The following FRMD4A variants were observed in gnomAD, a reference collection of about 807,000 sequenced individuals.
FRMD4A encodes FERM domain containing 4A.
A neutral mutation model predicts 129.1 loss-of-function variants in FRMD4A; 29 were observed. The observed-to-expected ratio is 0.22, with a 90% CI of 0.17 to 0.31. FRMD4A has a LOEUF of 0.31. Among genes scored for constraint, FRMD4A ranks in the 10% least tolerant of loss-of-function variants. FRMD4A has a pLI of 1.00. For synonymous variants in FRMD4A, 634 were observed against 571.6 expected, an observed-to-expected ratio of 1.11 and a Z score of -1.56; for missense variants, 1,272 against 1,375.8, an observed-to-expected ratio of 0.92 and a Z score of 1.19.
At chr10:14,121,197 G>A (rs759672369) in intron 2 of FRMD4A, among the ~76,000 whole-genome samples, 10 of 152,180 alleles carry the variant, frequency 6.6e-5, no homozygotes, top group South Asian at 2.1e-4. Context: ...GTGAAACCCC[G>A]TCTCTAGTAA....
intron 2 of FRMD4A, among the ~76,000 whole-genome samples, chr10:13,892,011 A>C (rs1309004637): frequency 2.7e-5 from 4 of 147,628 alleles, no homozygotes; most frequent in Non-Finnish European, 6.0e-5. Context: ...GATCCTGGAC[A>C]ACAATGCGCG....
In FRMD4A at chr10:14,039,403, CATCCATCT is replaced by C. The variant is rs1343661709; in HGVS notation, c.46-180499_46-180492del. Among the ~76,000 whole-genome samples, 394 of 141,402 alleles carry C rather than the reference CATCCATCT, an allele frequency of 2.8e-3. 4 individuals carry two copies. The highest frequency in any genetic ancestry group is 7.2e-3 in the Middle Eastern group (2 of 278). The allele number at this position is 141,402 out of a possible 152,430, so 92.8% of individuals were successfully genotyped here. A position where few individuals can be genotyped will look rare whatever the true frequency, so the allele number is the denominator to read the frequency against. ...CCATCCATCCATCCATCCATCCATC[CATCCATCT>C]ATCTATCTATCTATCTATCTATATT... On this transcript the variant is annotated intron_variant, in intron 2 of 24. Coordinates refer to ENST00000357447, the MANE Select transcript of FRMD4A (RefSeq NM_018027.5).
chr10:14,321,873 C>T (rs1843071004), intron 2 of FRMD4A, among the ~76,000 whole-genome samples: 1 of 152,100 alleles, frequency 6.6e-6, no homozygotes, highest in Non-Finnish European at 1.5e-5. Context: ...TGGGGGCGGA[C>T]TTCTCCCTTG....
chr10:13,980,612 T>C (rs894578684), intron 2 of FRMD4A, among the ~76,000 whole-genome samples: 2 of 151,980 alleles, frequency 1.3e-5, no homozygotes, highest in Non-Finnish European at 2.9e-5. Context: ...CCCAGCTACT[T>C]GGGAAGCTGA....
chr10:14,169,178 C>T (rs981666011), intron 2 of FRMD4A, among the ~76,000 whole-genome samples: 1 of 151,826 alleles, frequency 6.6e-6, no homozygotes, highest in African/African-American at 2.4e-5. Context: ...TGGAAGAATC[C>T]CTTTTCAGGT....
intron 6 of FRMD4A, among the ~76,000 whole-genome samples, chr10:13,776,904 C>T (rs927662740): frequency 2.0e-5 from 3 of 152,162 alleles, no homozygotes; most frequent in African/African-American, 7.2e-5. Context: ...GAATCACAGC[C>T]AAGAGAAAAA....
chr10:13,806,606 A>G (rs1269887453), intron 4 of FRMD4A, among the ~76,000 whole-genome samples: 1 of 152,192 alleles, frequency 6.6e-6, no homozygotes, highest in Admixed American at 6.5e-5. Flanking sequence ...AGCACAGGAA[A>G]TACTGCAACA....
intron 2 of FRMD4A, among the ~76,000 whole-genome samples, chr10:13,876,021 A>G (rs2094485725): frequency 6.6e-6 from 1 of 152,258 alleles, no homozygotes; most frequent in South Asian, 2.1e-4. Context: ...ATTCAATGGA[A>G]GGAAGAACTT....
intron 2 of FRMD4A, among the ~76,000 whole-genome samples, chr10:13,873,217 G>C (rs1426779257): frequency 6.8e-6 from 1 of 147,712 alleles, no homozygotes; most frequent in Non-Finnish European, 1.5e-5. Context: ...AGAATAGTTA[G>C]ATGGAGACCC....
chr10:14,309,520 A>C (rs1846467027), intron 2 of FRMD4A, among the ~76,000 whole-genome samples: 1 of 152,174 alleles, frequency 6.6e-6, no homozygotes, highest in Admixed American at 6.5e-5. Flanking sequence ...GACTCAGAGA[A>C]TTAGAACTTC....
At chr10:13,682,180 C>T (rs113026058) in intron 15 of FRMD4A, among the ~76,000 whole-genome samples, 2,194 of 152,122 alleles carry the variant, frequency 0.014, 55 homozygotes, top group African/African-American at 0.048. Context: ...GCTGTGATTG[C>T]GCCACTGCAC....
chr10:14,267,992 G>C (rs1028328679), intron 2 of FRMD4A, among the ~76,000 whole-genome samples: 9 of 152,006 alleles, frequency 5.9e-5, no homozygotes, highest in African/African-American at 2.2e-4. Context: ...AACTAATCTG[G>C]GTTTTAAAAT....
intron 2 of FRMD4A, among the ~76,000 whole-genome samples, chr10:14,191,285 T>G (rs1300200810): frequency 6.6e-6 from 1 of 152,188 alleles, no homozygotes; most frequent in Middle Eastern, 3.2e-3. Flanking sequence ...ACAGAAAGGG[T>G]CTTCTGCTTT....
chr10:13,850,446 G>C (rs1436398548), intron 3 of FRMD4A, among the ~76,000 whole-genome samples: 1 of 152,146 alleles, frequency 6.6e-6, no homozygotes, highest in Non-Finnish European at 1.5e-5. Context: ...TTCATCCACT[G>C]CTGTGGAAGT....
chr10:14,084,989 T>G (rs931206753), intron 2 of FRMD4A, among the ~76,000 whole-genome samples: 72 of 152,166 alleles, frequency 4.7e-4, no homozygotes, highest in African/African-American at 1.7e-3. Flanking sequence ...ATGGTAATGA[T>G]CCCCTGATCT....
intron 2 of FRMD4A, among the ~76,000 whole-genome samples, chr10:13,995,546 C>G (rs1296888716): frequency 6.6e-6 from 1 of 152,196 alleles, no homozygotes; most frequent in East Asian, 1.9e-4. Context: ...GATTGTGCCA[C>G]TGCACTCCAG....
At chr10:14,093,981 C>T (rs1406598470) in intron 2 of FRMD4A, among the ~76,000 whole-genome samples, 3 of 152,358 alleles carry the variant, frequency 2.0e-5, no homozygotes, top group South Asian at 4.1e-4. Flanking sequence ...TCACCAGTGA[C>T]TTGCCTTGTC....
rs35813128 is a variant in FRMD4A, at chr10:13,753,541, A to ATTTT, written c.465-5726_465-5723dup. 3.5e-3 allele frequency among the ~76,000 whole-genome samples: 401 copies of ATTTT among 115,224 alleles called. 12 individuals carry two copies. Among genetic ancestry groups the ATTTT allele is most frequent in the East Asian group, 0.014 (55 of 3,970 alleles). 75.6% of individuals were successfully genotyped at this position (115,224 alleles called of 152,430 possible). On this transcript the variant is annotated intron_variant, in intron 8 of 24. Coordinates refer to ENST00000357447, the MANE Select transcript of FRMD4A (RefSeq NM_018027.5). The stretch of plus-strand genomic sequence containing the variant: ...ACATTGATGAAATATGTACCTTTCT[A>ATTTT]TTTTTTTTTTTTTTTTTTTTTGAGA...
At chr10:14,307,821 C>T (rs1846404000) in intron 2 of FRMD4A, among the ~76,000 whole-genome samples, 1 of 152,200 alleles carries the variant, frequency 6.6e-6, no homozygotes, top group Admixed American at 6.5e-5. Context: ...GAGTTACAGG[C>T]ACACCTGAGA....
Sources: gnomAD v4.1 joint callset for allele counts (sites outside exome capture counted in the v4.1 genomes callset) on GRCh38, gnomAD v4.1.1 for gene constraint, MANE v1.5 for transcripts, NCBI Gene and HGNC (gene_info 2026-07-23, HGNC 2026-07-21) for gene names.